The following DNAH3 variants were observed in gnomAD, a reference collection of about 807,000 sequenced individuals.
DNAH3 encodes dynein axonemal heavy chain 3, also known as axonemal beta dynein heavy chain 3.
DNAH3 carries 332 observed loss-of-function variants against 432.5 expected under a neutral mutation model. The ratio of observed to expected loss-of-function variants is 0.77; its 90% CI spans 0.70 to 0.84. The LOEUF is 0.84. DNAH3 is among the 40% of genes least tolerant of loss of function. The pLI is 0.00. For synonymous variants in DNAH3, 1,956 were observed against 1,900.2 expected, an observed-to-expected ratio of 1.03 and a Z score of -0.76; for missense variants, 4,861 against 5,114.0, an observed-to-expected ratio of 0.95 and a Z score of 1.51.
intron 53 of DNAH3, 70 bp from the exon 54 acceptor site, chr16:20,959,474 A>C: frequency 3.4e-5 from 49 of 1,448,630 alleles, no homozygotes; most frequent in Non-Finnish European, 4.6e-5. Flanking sequence ...CAGCTATATC[A>C]ACAATAACAA....
intron 43 of DNAH3, among the ~76,000 whole-genome samples, chr16:20,998,142 C>T (rs2152688144): frequency 6.6e-6 from 1 of 152,316 alleles, no homozygotes; most frequent in Middle Eastern, 3.4e-3. Context: ...ATGATGGCAA[C>T]AGTCAAGCTC....
At chr16:21,048,276 A>T (rs1396905653) in intron 31 of DNAH3, among the ~76,000 whole-genome samples, 9 of 152,148 alleles carry the variant, frequency 5.9e-5, no homozygotes, top group African/African-American at 1.9e-4. Flanking sequence ...TCCCCCAGCC[A>T]GGCTGCCGTC....
At chr16:21,116,668 T>C (rs925081477) in intron 12 of DNAH3, among the ~76,000 whole-genome samples, 1 of 152,184 alleles carries the variant, frequency 6.6e-6, no homozygotes, top group Non-Finnish European at 1.5e-5. Flanking sequence ...AGTGTGATGA[T>C]TAAAGGACAT....
At chr16:21,080,287 A>T (rs1228633506) in intron 20 of DNAH3, among the ~76,000 whole-genome samples, 1 of 152,104 alleles carries the variant, frequency 6.6e-6, no homozygotes, top group Non-Finnish European at 1.5e-5. Flanking sequence ...ACAAAGTGAG[A>T]CTCCGTCTCC....
At chr16:20,972,099 A>G (rs2085366353) in intron 51 of DNAH3, among the ~76,000 whole-genome samples, 1 of 152,204 alleles carries the variant, frequency 6.6e-6, no homozygotes, top group Admixed American at 6.5e-5. Context: ...TGGAACACAC[A>G]GGGGCAGCAT....
chr16:20,985,538 C>G, exon 48 of DNAH3: 3 of 1,614,120 alleles, frequency 1.9e-6, no homozygotes, highest in Non-Finnish European at 2.5e-6. Flanking sequence ...GACATGGGGG[C>G]CTTGCTGATG....
At chr16:21,059,337 A>G (rs1052591439) in intron 26 of DNAH3, among the ~76,000 whole-genome samples, 5 of 152,226 alleles carry the variant, frequency 3.3e-5, no homozygotes, top group Non-Finnish European at 5.9e-5. Context: ...GATTCAGAGC[A>G]TGTCATAGGA....
chr16:21,062,171 C>A (rs1054488329), intron 25 of DNAH3, among the ~76,000 whole-genome samples: 4 of 152,218 alleles, frequency 2.6e-5, no homozygotes, highest in African/African-American at 9.6e-5. Flanking sequence ...TTCAACTGAA[C>A]TCTGCACATG....
At chr16:21,107,887 G>C (rs1457022062) in intron 14 of DNAH3, among the ~76,000 whole-genome samples, 1 of 151,350 alleles carries the variant, frequency 6.6e-6, no homozygotes, top group Non-Finnish European at 1.5e-5. Context: ...TTTTGAGATG[G>C]AGTCTTGCTC....
chr16:21,098,553 A>G, intron 17 of DNAH3, 63 bp downstream of exon 17: 1 of 1,507,290 alleles, frequency 6.6e-7, no homozygotes, highest in South Asian at 1.4e-5. Flanking sequence ...GGAAATTCAC[A>G]ACCAAGGATC....
intron 48 of DNAH3, among the ~76,000 whole-genome samples, chr16:20,984,507 G>A (rs1052395957): frequency 3.9e-5 from 6 of 152,176 alleles, no homozygotes; most frequent in East Asian, 1.9e-4. Flanking sequence ...GAGAAAACCC[G>A]AGATGTCATT....
chr16:21,066,634 G>A (rs1458317521), intron 24 of DNAH3, among the ~76,000 whole-genome samples: 1 of 152,156 alleles, frequency 6.6e-6, no homozygotes, highest in Admixed American at 6.5e-5. Flanking sequence ...CTCCCAAAAT[G>A]TTGTGATTAT....
chr16:20,960,770 T>C (rs151313176), intron 53 of DNAH3, among the ~76,000 whole-genome samples: 30 of 152,252 alleles, frequency 2.0e-4, no homozygotes, highest in African/African-American at 6.5e-4. Context: ...GGAAAAGACA[T>C]GGAAGCTCAT....
At chr16:20,978,186 C>A (rs2085683902) in intron 50 of DNAH3, among the ~76,000 whole-genome samples, 1 of 152,208 alleles carries the variant, frequency 6.6e-6, no homozygotes, top group Non-Finnish European at 1.5e-5. Flanking sequence ...ATCTTCATAA[C>A]AGCCCTATGC....
chr16:21,134,394 C>T (rs570916220), exon 7 of DNAH3: 38 of 1,614,014 alleles, frequency 2.4e-5, no homozygotes, highest in Middle Eastern at 1.6e-4. Flanking sequence ...AGGAAACAAG[C>T]GGGGGATGCT....
At chr16:21,123,953 C>T (rs148423663) in intron 9 of DNAH3, among the ~76,000 whole-genome samples, 162 of 151,380 alleles carry the variant, frequency 1.1e-3, no homozygotes, top group African/African-American at 3.1e-3. Context: ...CCACCACACC[C>T]GGCTAATTTT....
rs768462710 is a variant in DNAH3, at chr16:21,034,008, TTTA to T, written c.5160_5162del (p.Tyr1720_Lys1721delinsTer). The T allele has an allele frequency of 7.4e-6, 12 of 1,613,772 alleles. No individual in the cohort carries two copies. The highest frequency in any genetic ancestry group is 9.3e-6 in the Non-Finnish European group (11 of 1,179,816). On this transcript the variant is annotated stop_gained and inframe_deletion, in exon 36 of 62. Transcript: ENST00000261383. LOFTEE classifies it high-confidence loss of function. ...AATCGCCGAGAGCTGCAGCCAACAC[TTTA>T]TAAGCAGAGGTCTTGCCGCCCATGG...
chr16:21,144,048 C>T (rs2092752588), intron 3 of DNAH3, among the ~76,000 whole-genome samples: 1 of 152,150 alleles, frequency 6.6e-6, no homozygotes, highest in African/African-American at 2.4e-5. Flanking sequence ...AGAGTGCCAA[C>T]ATACATCCAA....
intron 56 of DNAH3, among the ~76,000 whole-genome samples, chr16:20,951,967 T>C (rs1217706782): frequency 1.3e-5 from 2 of 150,120 alleles, no homozygotes; most frequent in African/African-American, 4.9e-5. Context: ...ATGGTCTCGA[T>C]CTCCTGACCT....
Sources: gnomAD v4.1 joint callset for allele counts (sites outside exome capture counted in the v4.1 genomes callset) on GRCh38, gnomAD v4.1.1 for gene constraint, MANE v1.5 for transcripts, NCBI Gene and HGNC (gene_info 2026-07-23, HGNC 2026-07-21) for gene names.